Variants in PTPRQ observed in about 807,000 individuals in gnomAD.
PTPRQ encodes the protein phosphatidylinositol phosphatase PTPRQ.
PTPRQ carries 199 observed loss-of-function variants against 246.0 expected under a neutral mutation model. The ratio of observed to expected loss-of-function variants is 0.81; its 90% CI spans 0.72 to 0.91. PTPRQ has a LOEUF of 0.91. Among genes scored for constraint, PTPRQ ranks in the 40% least tolerant of loss-of-function variants. PTPRQ has a pLI of 0.00. For synonymous variants in PTPRQ, 869 were observed against 853.2 expected (o/e 1.02, Z -0.32); for missense variants, 2,624 against 2,528.4 (o/e 1.04, Z -0.81).
intron 25 of PTPRQ, among the ~76,000 whole-genome samples, chr12:80,579,428 C>T (rs1029069630): frequency 6.6e-6 from 1 of 152,162 alleles, no homozygotes; most frequent in Non-Finnish European, 1.5e-5. Context: ...CGTACTCAAC[C>T]CACTGAATCC....
intron 25 of PTPRQ, among the ~76,000 whole-genome samples, chr12:80,582,437 A>G (rs1201302831): frequency 1.3e-5 from 2 of 152,140 alleles, no homozygotes; most frequent in African/African-American, 4.8e-5. Context: ...GTGTGATGCT[A>G]TTAGAAGGTG....
intron 3 of PTPRQ, among the ~76,000 whole-genome samples, chr12:80,457,320 A>G (rs1463880608): frequency 6.6e-6 from 1 of 152,056 alleles, no homozygotes; most frequent in Non-Finnish European, 1.5e-5. Flanking sequence ...TTCTTGCTCT[A>G]CCATTTATTC....
chr12:80,478,189 G>A (rs979119950), intron 8 of PTPRQ, among the ~76,000 whole-genome samples: 2 of 145,860 alleles, frequency 1.4e-5, no homozygotes, highest in Admixed American at 6.8e-5. Context: ...ATCTGAGAAA[G>A]GGGAAACTGC....
intron 30 of PTPRQ, among the ~76,000 whole-genome samples, chr12:80,616,572 T>C (rs559651810): frequency 6.6e-6 from 1 of 151,316 alleles, no homozygotes; most frequent in African/African-American, 2.4e-5. Context: ...TTAAATGTTA[T>C]CGAAAAGAAA....
At chr12:80,559,503 G>T (rs1330686924) in intron 25 of PTPRQ, among the ~76,000 whole-genome samples, 1 of 152,122 alleles carries the variant, frequency 6.6e-6, no homozygotes, top group Non-Finnish European at 1.5e-5. Context: ...CTCCTCCATT[G>T]AATTGCTTTT....
rs557844388 is a variant in PTPRQ, at chr12:80,516,494, G to A, written c.2678+6051G>A. 2.6e-5 allele frequency among the ~76,000 whole-genome samples: 4 copies of A among 152,272 alleles called. No homozygotes were observed. The South Asian group carries it at 6.2e-4, about 24-fold the overall frequency. On this transcript the variant is annotated intron_variant, in intron 17 of 44. Coordinates refer to ENST00000644991, the MANE Select transcript of PTPRQ (RefSeq NM_001145026.2). ...CATACAGCACCTTAAAACGATTGAT[G>A]ACTTATTGCAGATAAGATATGCCCA...
chr12:80,553,950 G>T (rs1459716120), intron 25 of PTPRQ, among the ~76,000 whole-genome samples: 2 of 152,112 alleles, frequency 1.3e-5, no homozygotes, highest in Admixed American at 1.3e-4. Flanking sequence ...AGTGAAATAA[G>T]CCAGGCACAG....
intron 8 of PTPRQ, among the ~76,000 whole-genome samples, chr12:80,478,354 G>A (rs1037748987): frequency 2.6e-5 from 4 of 151,862 alleles, no homozygotes; most frequent in African/African-American, 9.7e-5. Flanking sequence ...AAACAGAAAG[G>A]ACATCCACAC....
At chr12:80,640,645 T>A (rs1196127637) in intron 35 of PTPRQ, among the ~76,000 whole-genome samples, 1 of 152,220 alleles carries the variant, frequency 6.6e-6, no homozygotes, top group Non-Finnish European at 1.5e-5. Context: ...AATGCAGAAC[T>A]CTGCTGTGAT....
intron 39 of PTPRQ, among the ~76,000 whole-genome samples, chr12:80,660,841 C>A (rs1015373723): frequency 6.6e-6 from 1 of 151,966 alleles, no homozygotes; most frequent in Non-Finnish European, 1.5e-5. Flanking sequence ...TAATATTGAT[C>A]GTCCTCTCTT....
At chr12:80,479,762 G>T (rs1893965843) in intron 8 of PTPRQ, among the ~76,000 whole-genome samples, 1 of 151,618 alleles carries the variant, frequency 6.6e-6, no homozygotes, top group Non-Finnish European at 1.5e-5. Flanking sequence ...AACCAATAAA[G>T]ATCAAAAGAG....
chr12:80,627,859 A>G, intron 33 of PTPRQ, among the ~76,000 whole-genome samples: 1 of 152,160 alleles, frequency 6.6e-6, no homozygotes, highest in East Asian at 1.9e-4. Context: ...GGGTCCATGC[A>G]TAACAGTGAA....
At chr12:80,450,362 C>A (rs1381387645) in intron 3 of PTPRQ, among the ~76,000 whole-genome samples, 1 of 152,102 alleles carries the variant, frequency 6.6e-6, no homozygotes, top group Non-Finnish European at 1.5e-5. Flanking sequence ...AATTGAATAC[C>A]CTTTATTTCC....
intron 25 of PTPRQ, among the ~76,000 whole-genome samples, chr12:80,584,773 G>C (rs1897556436): frequency 6.6e-6 from 1 of 151,972 alleles, no homozygotes; most frequent in Non-Finnish European, 1.5e-5. Flanking sequence ...ATTTATATTA[G>C]AATATTTTGA....
At chr12:80,494,385 C>A (rs2120648967) in intron 10 of PTPRQ, among the ~76,000 whole-genome samples, 1 of 152,114 alleles carries the variant, frequency 6.6e-6, no homozygotes, top group African/African-American at 2.4e-5. Flanking sequence ...TGCTTGCTTT[C>A]AAGAATTATT....
chr12:80,585,458 C>T (rs1897580344), intron 25 of PTPRQ, among the ~76,000 whole-genome samples: 1 of 152,138 alleles, frequency 6.6e-6, no homozygotes, highest in Non-Finnish European at 1.5e-5. Flanking sequence ...ACTCTCCAGC[C>T]TTGTTACCCT....
intron 33 of PTPRQ, among the ~76,000 whole-genome samples, chr12:80,624,049 G>A (rs564002023): frequency 6.6e-6 from 1 of 152,248 alleles, no homozygotes; most frequent in Admixed American, 6.5e-5. Context: ...GAATGTAGCA[G>A]AAATACACAG....
intron 17 of PTPRQ, among the ~76,000 whole-genome samples, 184 bp downstream of exon 17, chr12:80,510,627 A>C (rs2120715333): frequency 6.6e-6 from 1 of 152,314 alleles, no homozygotes; most frequent in Non-Finnish European, 1.5e-5. Context: ...ATCATGGTCA[A>C]ATGAAATAAT....
At chr12:80,531,929 A>G (rs914184919) in intron 17 of PTPRQ, among the ~76,000 whole-genome samples, 1 of 152,144 alleles carries the variant, frequency 6.6e-6, no homozygotes, top group Non-Finnish European at 1.5e-5. Context: ...ATAATTTATA[A>G]CAACAAGCTT....
Sources: gnomAD v4.1 joint callset for allele counts (sites outside exome capture counted in the v4.1 genomes callset) on GRCh38, gnomAD v4.1.1 for gene constraint, MANE v1.5 for transcripts, NCBI Gene and HGNC (gene_info 2026-07-23, HGNC 2026-07-21) for gene names.